Variants in DMD observed in about 807,000 individuals in gnomAD.
DMD encodes the protein dystrophin, also known as mutant dystrophin.
A neutral mutation model predicts 330.1 loss-of-function variants in DMD; 63 were observed. The observed-to-expected ratio is 0.19, with a 90% CI of 0.16 to 0.24. The LOEUF (loss-of-function observed/expected upper bound fraction) is 0.24, where lower values mean the gene tolerates loss of function less well. Among genes scored for constraint, DMD ranks in the 10% least tolerant of loss-of-function variants. The probability of loss-of-function intolerance (pLI) is 1.00; values close to 1 mark genes in which losing one functional copy is unlikely to be tolerated. For synonymous variants in DMD, 1,223 were observed against 959.8 expected, an observed-to-expected ratio of 1.27 and a Z score of -5.07; for missense variants, 3,344 against 2,684.1, an observed-to-expected ratio of 1.25 and a Z score of -5.43.
At chrX:32,596,464 T>C (rs988029967) in intron 12 of DMD, among the ~76,000 whole-genome samples, 1 of 111,730 alleles carries the variant, frequency 9.0e-6, no homozygotes, top group African/African-American at 3.3e-5. Flanking sequence ...CTTGACATGT[T>C]GATTACTAAC....
chrX:32,882,365 C>T (rs970384871), intron 2 of DMD, among the ~76,000 whole-genome samples: 1 of 112,163 alleles, frequency 8.9e-6, no homozygotes, highest in Non-Finnish European at 1.9e-5. Context: ...CCCAATTCCT[C>T]TTGTTACATT....
At chrX:32,812,984 C>G (rs1158545300) in intron 6 of DMD, among the ~76,000 whole-genome samples, 1 of 111,013 alleles carries the variant, frequency 9.0e-6, no homozygotes, top group Non-Finnish European at 1.9e-5. Context: ...GCATAGTATA[C>G]AAGGTTAAAT....
At chrX:31,529,358 C>T (rs1276758181) in intron 55 of DMD, among the ~76,000 whole-genome samples, 1 of 110,502 alleles carries the variant, frequency 9.0e-6, no homozygotes, top group South Asian at 3.9e-4. Context: ...CCACTCCAGC[C>T]TGGGTGACAG....
chrX:32,998,747 A>C (rs2093197417), intron 2 of DMD, among the ~76,000 whole-genome samples: 1 of 111,688 alleles, frequency 9.0e-6, no homozygotes, highest in Non-Finnish European at 1.9e-5. Flanking sequence ...ACAAATTGAA[A>C]TGCTTTTTAT....
At chrX:32,357,045 T>C (rs1603631561) in intron 37 of DMD, among the ~76,000 whole-genome samples, 1 of 110,914 alleles carries the variant, frequency 9.0e-6, no homozygotes, top group Non-Finnish European at 1.9e-5. Flanking sequence ...CCCACCACCA[T>C]GCCCAGCTAA....
chrX:31,581,153 C>A (rs961878399), intron 55 of DMD, among the ~76,000 whole-genome samples: 5 of 111,660 alleles, frequency 4.5e-5, no homozygotes, highest in African/African-American at 1.6e-4. Context: ...TGGGAAGCTG[C>A]GCCTTGCTAA....
intron 44 of DMD, chrX:32,206,511 A>G (rs1733757400): frequency 5.2e-6 from 3 of 573,987 alleles, no homozygotes; most frequent in Non-Finnish European, 8.9e-6. Flanking sequence ...AAAACCGTCA[A>G]CACCAAGATC....
chrX:32,815,494 C>CATATATATATAT (rs1557051738), intron 6 of DMD, among the ~76,000 whole-genome samples: 11 of 71,845 alleles, frequency 1.5e-4, no homozygotes, highest in Non-Finnish European at 1.2e-4. Flanking sequence ...CACACACAAG[C>CATATATATATAT]ATATATATAT....
chrX:31,429,963 G>T (rs2063943261), intron 60 of DMD, among the ~76,000 whole-genome samples: 1 of 110,820 alleles, frequency 9.0e-6, no homozygotes, highest in Non-Finnish European at 1.9e-5. Flanking sequence ...AATGTTCCAG[G>T]TAGAATAAAG....
intron 42 of DMD, among the ~76,000 whole-genome samples, chrX:32,291,682 C>T (rs2148480156): frequency 9.0e-6 from 1 of 111,531 alleles, no homozygotes; most frequent in Non-Finnish European, 1.9e-5. Flanking sequence ...GAAGAGGTTC[C>T]ATGGTTACAT....
intron 13 of DMD, among the ~76,000 whole-genome samples, chrX:32,574,201 C>T (rs780394828): frequency 5.3e-4 from 59 of 111,674 alleles, no homozygotes; most frequent in Non-Finnish European, 1.0e-3. Flanking sequence ...TTTGAAAATA[C>T]ACCCTAAAGA....
At chrX:33,308,962 A>G (rs2053806603) in intron 1 of DMD, among the ~76,000 whole-genome samples, 1 of 111,615 alleles carries the variant, frequency 9.0e-6, no homozygotes, top group East Asian at 2.8e-4. Flanking sequence ...AACATTTTAT[A>G]GACAAAAGGA....
intron 7 of DMD, among the ~76,000 whole-genome samples, chrX:32,724,122 T>A (rs1047787269): frequency 2.7e-5 from 3 of 112,311 alleles, no homozygotes; most frequent in Non-Finnish European, 5.6e-5. Flanking sequence ...ATTTAAATGG[T>A]GCAATTCTAC....
chrX:31,675,255 G>A (rs1035058829), intron 53 of DMD, among the ~76,000 whole-genome samples: 2 of 112,172 alleles, frequency 1.8e-5, no homozygotes, highest in South Asian at 7.5e-4. Flanking sequence ...CTCTCCTGTT[G>A]CTGTTTCTTT....
At chrX:32,671,619 T>G (rs934988602) in intron 9 of DMD, among the ~76,000 whole-genome samples, 7 of 112,075 alleles carry the variant, frequency 6.2e-5, no homozygotes, top group Non-Finnish European at 1.3e-4. Flanking sequence ...TCAATAAAAC[T>G]TATTTAGAAA....
intron 1 of DMD, among the ~76,000 whole-genome samples, chrX:33,171,673 G>A (rs1214100736): frequency 9.0e-6 from 1 of 111,510 alleles, no homozygotes; most frequent in Non-Finnish European, 1.9e-5. Context: ...AAATAATTGA[G>A]AAATGAGTCA....
chrX:31,572,941 T>C (rs2075900958), intron 55 of DMD, among the ~76,000 whole-genome samples: 1 of 111,958 alleles, frequency 8.9e-6, no homozygotes, highest in Non-Finnish European at 1.9e-5. Flanking sequence ...TTTTTCTCTT[T>C]GTGGTAAATA....
At chrX:32,522,345 A>G (rs755352678) in intron 17 of DMD, among the ~76,000 whole-genome samples, 1 of 111,683 alleles carries the variant, frequency 9.0e-6, no homozygotes, top group East Asian at 2.8e-4. Context: ...TACTGGAAAA[A>G]TTATCATTTC....
chrX:32,869,945 G>A (rs960837270), intron 2 of DMD, among the ~76,000 whole-genome samples: 2 of 109,469 alleles, frequency 1.8e-5, no homozygotes, highest in Non-Finnish European at 1.9e-5. Flanking sequence ...ATTCAACACT[G>A]TATTGGAATT....
Sources: gnomAD v4.1 joint callset for allele counts (sites outside exome capture counted in the v4.1 genomes callset) on GRCh38, gnomAD v4.1.1 for gene constraint, MANE v1.5 for transcripts, NCBI Gene and HGNC (gene_info 2026-07-23, HGNC 2026-07-21) for gene names.